Variants in NDUFA10 observed in about 807,000 individuals in gnomAD.
NDUFA10 encodes NADH dehydrogenase [ubiquinone] 1 alpha subcomplex subunit 10, mitochondrial.
Under a neutral mutation model 47.8 loss-of-function variants are expected in NDUFA10, and 40 were observed. The ratio of observed to expected loss-of-function variants is 0.84; its 90% CI spans 0.65 to 1.09. NDUFA10 has a LOEUF of 1.09. Ranked by LOEUF, NDUFA10 falls within the 50% of genes least tolerant of loss-of-function variation. NDUFA10 has a pLI of 0.00. For missense variants in NDUFA10, 413 were observed against 451.1 expected (o/e 0.92, Z 0.76); for synonymous variants, 183 against 172.2 (o/e 1.06, Z -0.49).
intron 4 of NDUFA10, among the ~76,000 whole-genome samples, chr2:239,921,162 C>T (rs575382735): frequency 6.6e-6 from 1 of 152,206 alleles, no homozygotes; most frequent in African/African-American, 2.4e-5. Flanking sequence ...CCTGCAGGAA[C>T]CGGGGCATGA....
chr2:239,960,186 C>T lies in NDUFA10; in HGVS notation c.*932G>A. ...CTGGCAGCCTGATTCCTAATGGACA[C>T]AGTGGAGCTTTACAGTGGAAAACCC... is the stretch of plus-strand genomic sequence containing the variant. On this transcript the variant is annotated 3_prime_UTR_variant, in exon 10 of 10. Coordinates refer to ENST00000252711, the MANE Select transcript of NDUFA10 (RefSeq NM_004544.4). The T allele has an allele frequency of 1.0e-6, 1 of 980,932 alleles. No individual in the cohort carries two copies. The highest frequency in any genetic ancestry group is 1.2e-6 in the Non-Finnish European group (1 of 829,710). The allele number at this position is 980,932 out of a possible 1,614,324, so 60.8% of individuals were successfully genotyped here.
intron 4 of NDUFA10, among the ~76,000 whole-genome samples, chr2:239,931,316 C>G (rs1694169846): frequency 6.6e-6 from 1 of 152,200 alleles, no homozygotes; most frequent in Non-Finnish European, 1.5e-5. Context: ...CTCGCTCCAG[C>G]CCCTGCCCGT....
rs1332568336 is a variant in NDUFA10 at position 239,928,938 on chromosome 2, A to G, written c.295-33624T>C. ...ATCGCCCCGCGGCCACCCGGATCCC[A>G]CTCCCGAGGTCAGGAGCCCCCGACT... On this transcript the variant is annotated intron_variant, in intron 4 of 5. Transcript: ENST00000419408. This position sits in a 1 kb window ranked among gnomAD's most constrained non-coding sequence, Gnocchi z 4.3. 6.6e-6 allele frequency among the ~76,000 whole-genome samples: 1 copy of G among 151,502 alleles called. No homozygotes were observed. Among genetic ancestry groups the G allele is most frequent in the African/African-American group, 2.4e-5 (1 of 41,232 alleles).
intron 8 of NDUFA10, among the ~76,000 whole-genome samples, chr2:239,992,620 G>A (rs1696297252): frequency 6.6e-6 from 1 of 152,210 alleles, no homozygotes; most frequent in African/African-American, 2.4e-5. Flanking sequence ...GGGTGTGAAG[G>A]TCTGGGCTCT....
intron 8 of NDUFA10, among the ~76,000 whole-genome samples, chr2:239,993,714 C>A (rs116512135): frequency 0.013 from 2,034 of 152,154 alleles, 43 homozygotes; most frequent in African/African-American, 0.046. Flanking sequence ...GGATTACACA[C>A]CAAGGGGAGC....
chr2:239,905,683 G>GC (rs1486955148), intron 4 of NDUFA10, among the ~76,000 whole-genome samples: 3 of 152,168 alleles, frequency 2.0e-5, no homozygotes, highest in Non-Finnish European at 4.4e-5. Context: ...CTGGACACAA[G>GC]CCCCATCAGA....
chr2:240,023,540 C>G (rs1697729043), intron 1 of NDUFA10, among the ~76,000 whole-genome samples: 1 of 152,096 alleles, frequency 6.6e-6, no homozygotes, highest in South Asian at 2.1e-4. Context: ...TAAGATTGAC[C>G]TATAAGGATG....
intron 4 of NDUFA10, among the ~76,000 whole-genome samples, chr2:239,911,612 T>G (rs1193855205): frequency 1.3e-5 from 2 of 151,474 alleles, no homozygotes; most frequent in Non-Finnish European, 2.9e-5. Context: ...AGACAAAGCA[T>G]AAAAGCACCC....
intron 9 of NDUFA10, 51 bp downstream of exon 9, chr2:239,990,023 G>T: frequency 1.5e-6 from 2 of 1,322,556 alleles, no homozygotes; most frequent in Non-Finnish European, 1.1e-6. Context: ...ATTGTCCCCA[G>T]GTGCTGCAGA....
intron 9 of NDUFA10, among the ~76,000 whole-genome samples, chr2:239,978,247 A>C (rs776844881): frequency 1.3e-4 from 20 of 152,216 alleles, no homozygotes; most frequent in Non-Finnish European, 2.5e-4. Flanking sequence ...CTTAAAAACA[A>C]GACAAAATAA....
At position 239,958,947 on chromosome 2, in the gene NDUFA10, T is replaced by C. The variant is rs1694736605; in HGVS notation, c.*2171A>G. Reference sequence around the variant, plus strand: ...TTTGATCCTGGTTTGTTGGTGCTGTTGTTTTAGTTGTAAGAGCTTTCGTGA... The same window carrying C: ...TTTGATCCTGGTTTGTTGGTGCTGTCGTTTTAGTTGTAAGAGCTTTCGTGA... On this transcript the variant is annotated 3_prime_UTR_variant, in exon 10 of 10. Coordinates refer to ENST00000252711, the MANE Select transcript of NDUFA10 (RefSeq NM_004544.4). 1.0e-6 allele frequency: 1 copy of C among 985,310 alleles called. No homozygotes were observed. Among genetic ancestry groups the C allele is most frequent in the African/African-American group, 1.7e-5 (1 of 57,246 alleles). 61.0% of individuals were successfully genotyped at this position (985,310 alleles called of 1,614,324 possible).
At chr2:239,916,397 T>C (rs564426303) in intron 4 of NDUFA10, among the ~76,000 whole-genome samples, 30 of 149,000 alleles carry the variant, frequency 2.0e-4, no homozygotes, top group African/African-American at 7.4e-4. Context: ...TTGACACACA[T>C]ACAAACACAC....
At chr2:239,964,959 C>G (rs1033068879) in intron 9 of NDUFA10, among the ~76,000 whole-genome samples, 1 of 152,140 alleles carries the variant, frequency 6.6e-6, no homozygotes, top group Non-Finnish European at 1.5e-5. Context: ...CTTAAGACGC[C>G]CTGGGTCAGC....
intron 5 of NDUFA10, chr2:240,013,190 G>C (rs187522120): frequency 2.6e-5 from 4 of 152,294 alleles, no homozygotes; most frequent in African/African-American, 9.6e-5. Flanking sequence ...ATTCCTATCA[G>C]TTATTCCCAA....
At chr2:239,912,822 T>C (rs916684416) in intron 4 of NDUFA10, among the ~76,000 whole-genome samples, 4 of 152,136 alleles carry the variant, frequency 2.6e-5, no homozygotes, top group African/African-American at 7.2e-5. Flanking sequence ...TGTCCATCCA[T>C]AGATCTTCAC....
intron 8 of NDUFA10, among the ~76,000 whole-genome samples, chr2:239,993,670 T>C (rs1696346314): frequency 6.6e-6 from 1 of 151,706 alleles, no homozygotes; most frequent in Non-Finnish European, 1.5e-5. Context: ...GATGAAGAAA[T>C]AAAGAGGCAG....
intron 4 of NDUFA10, among the ~76,000 whole-genome samples, chr2:239,951,910 C>G (rs1694560325): frequency 6.6e-6 from 1 of 152,230 alleles, no homozygotes; most frequent in African/African-American, 2.4e-5. Context: ...CCTGCTGACG[C>G]CTGCCCAGGC....
intron 4 of NDUFA10, among the ~76,000 whole-genome samples, chr2:239,943,387 T>G (rs1438953899): frequency 3.9e-5 from 6 of 152,132 alleles, no homozygotes; most frequent in Admixed American, 3.9e-4. Flanking sequence ...CTGGATGGAG[T>G]GCAGTGGCGC....
At chr2:240,009,392 G>C (rs1278512614) in intron 6 of NDUFA10, among the ~76,000 whole-genome samples, 1 of 152,202 alleles carries the variant, frequency 6.6e-6, no homozygotes, top group African/African-American at 2.4e-5. Flanking sequence ...CCAAATGTTG[G>C]TGAAACTAAG....
Sources: allele counts gnomAD v4.1 joint callset (sites outside exome capture counted in the v4.1 genomes callset), GRCh38; gene constraint gnomAD v4.1.1; non-coding constraint Gnocchi (gnomAD v3.1); transcripts MANE v1.5; gene names NCBI Gene and HGNC (gene_info 2026-07-23, HGNC 2026-07-21).